Variants in ADAM12 observed in about 807,000 individuals in gnomAD.
ADAM12 encodes disintegrin and metalloproteinase domain-containing protein 12.
Under a neutral mutation model 106.4 loss-of-function variants are expected in ADAM12, and 70 were observed. That is an observed-to-expected ratio of 0.66 (90% CI 0.54 to 0.80). The LOEUF (loss-of-function observed/expected upper bound fraction) is 0.80. ADAM12 is among the 30% of genes least tolerant of loss of function. ADAM12 has a pLI of 0.00. For synonymous variants in ADAM12, 420 were observed against 433.5 expected (o/e 0.97, Z 0.39); for missense variants, 1,010 against 1,171.9 (o/e 0.86, Z 2.02).
intron 2 of ADAM12, among the ~76,000 whole-genome samples, chr10:126,285,430 T>C (rs969524429): frequency 2.0e-5 from 3 of 152,242 alleles, no homozygotes; most frequent in African/African-American, 7.2e-5. Flanking sequence ...CCTGTATGCA[T>C]GCAGGCATGT....
chr10:126,309,084 C>T (rs546836626), intron 2 of ADAM12, among the ~76,000 whole-genome samples: 100 of 152,334 alleles, frequency 6.6e-4, no homozygotes, highest in African/African-American at 2.4e-3. Flanking sequence ...TATCTCCTTC[C>T]CCCTATGCCA....
intron 3 of ADAM12, among the ~76,000 whole-genome samples, chr10:126,227,612 A>G (rs1439218463): frequency 6.6e-6 from 1 of 152,176 alleles, no homozygotes; most frequent in Non-Finnish European, 1.5e-5. Flanking sequence ...CATTATCCCC[A>G]GTGCTTTGCA....
At chr10:126,084,533 A>G (rs7078399) in intron 11 of ADAM12, among the ~76,000 whole-genome samples, 1 of 152,170 alleles carries the variant, frequency 6.6e-6, no homozygotes, top group African/African-American at 2.4e-5. Flanking sequence ...CCCAGTAGAC[A>G]GACCTGCACA....
intron 1 of ADAM12, among the ~76,000 whole-genome samples, 159 bp downstream of exon 1, chr10:126,387,899 G>T (rs550262287): frequency 6.7e-6 from 1 of 150,232 alleles, no homozygotes; most frequent in Non-Finnish European, 1.5e-5. Context: ...TGGGGGGGGG[G>T]GGTCGGTCTC....
chr10:126,104,982 A>G (rs1274509874), intron 8 of ADAM12, among the ~76,000 whole-genome samples: 1 of 152,202 alleles, frequency 6.6e-6, no homozygotes, highest in South Asian at 2.1e-4. Context: ...TCATCTGTTC[A>G]TAGACTTGGA....
At chr10:126,261,325 CTGG>C (rs1958997695) in intron 3 of ADAM12, among the ~76,000 whole-genome samples, 1 of 152,166 alleles carries the variant, frequency 6.6e-6, no homozygotes, top group South Asian at 2.1e-4. Flanking sequence ...TGCATTTCAT[CTGG>C]TTCTCATTTT....
At chr10:126,215,624 T>A (rs1244510354) in intron 3 of ADAM12, among the ~76,000 whole-genome samples, 2 of 152,056 alleles carry the variant, frequency 1.3e-5, no homozygotes, top group Non-Finnish European at 2.9e-5. Flanking sequence ...ACTGGAAAGG[T>A]GCAGGAGAAG....
At chr10:126,068,175 C>T (rs1954911569) in intron 12 of ADAM12, among the ~76,000 whole-genome samples, 1 of 152,144 alleles carries the variant, frequency 6.6e-6, no homozygotes, top group South Asian at 2.1e-4. Context: ...ACTTACAATT[C>T]TAAAAGAGTT....
intron 3 of ADAM12, among the ~76,000 whole-genome samples, chr10:126,189,173 T>G (rs1957452055): frequency 6.6e-6 from 1 of 152,150 alleles, no homozygotes; most frequent in African/African-American, 2.4e-5. Flanking sequence ...ACAGACCAAG[T>G]TGCATAGAGA....
intron 6 of ADAM12, among the ~76,000 whole-genome samples, chr10:126,112,796 G>A (rs1181176780): frequency 6.6e-6 from 1 of 152,154 alleles, no homozygotes; most frequent in Admixed American, 6.5e-5. Flanking sequence ...TGGGGATACA[G>A]TGTGGACAGG....
At position 126,227,338 on chromosome 10, in the gene ADAM12, A is replaced by G. The variant is rs536456653; in HGVS notation, c.260+51577T>C. ...GCCATCACCACCTGTCATCATAACC[A>G]CATCACCGCTGTTATCATCATCATC... On this transcript the variant is annotated intron_variant, in intron 3 of 22. Coordinates refer to ENST00000448723, the MANE Select transcript of ADAM12 (RefSeq NM_001288973.2). 2.6e-3 allele frequency among the ~76,000 whole-genome samples: 402 copies of G among 152,162 alleles called. 1 individual carries two copies. The highest frequency in any genetic ancestry group is 9.2e-3 in the African/African-American group (381 of 41,496).
At position 126,048,160 on chromosome 10, in the gene ADAM12, G is replaced by A. The variant is rs188547309; in HGVS notation, c.1917+1093C>T. Among the ~76,000 whole-genome samples, 27 of 152,286 alleles carry A rather than the reference G, an allele frequency of 1.8e-4. 1 individual carries two copies. In the East Asian group the frequency reaches 3.3e-3, roughly 19 times the overall value. On this transcript the variant is annotated intron_variant, in intron 16 of 22. Coordinates refer to ENST00000448723, the MANE Select transcript of ADAM12 (RefSeq NM_001288973.2). ...CTATCAGAGAGTAGAGGGTGAATGA[G>A]GGAGAGGATCAGGAAGAATAACTAA...
intron 11 of ADAM12, among the ~76,000 whole-genome samples, chr10:126,086,680 A>AAAAAAATATATAT (rs1554966976): frequency 1.2e-4 from 3 of 24,264 alleles, no homozygotes; most frequent in Admixed American, 7.9e-4. Flanking sequence ...AAAAAAAAAA[A>AAAAAAATATATAT]ATATATATAT....
intron 1 of ADAM12, among the ~76,000 whole-genome samples, chr10:126,358,239 A>T (rs1295509666): frequency 1.3e-5 from 2 of 152,160 alleles, no homozygotes; most frequent in Non-Finnish European, 2.9e-5. Context: ...ACATGCAAAA[A>T]TCCTTATCAA....
intron 1 of ADAM12, among the ~76,000 whole-genome samples, chr10:126,368,652 T>TGTG (rs1007994899): frequency 5.6e-5 from 8 of 143,946 alleles, no homozygotes; most frequent in Non-Finnish European, 1.2e-4. Flanking sequence ...AGTTTGTTGT[T>TGTG]GTTGTTGTTT....
intron 3 of ADAM12, among the ~76,000 whole-genome samples, chr10:126,268,224 G>T (rs562753366): frequency 1.3e-5 from 2 of 152,258 alleles, no homozygotes; most frequent in East Asian, 3.9e-4. Context: ...AAATAGAATC[G>T]CATAATATTT....
In ADAM12 at chr10:126,053,715, T is replaced by C. The variant is rs1954562256; in HGVS notation, c.1610-4046A>G. On this transcript the variant is annotated intron_variant, in intron 14 of 22. Coordinates refer to ENST00000448723, the MANE Select transcript of ADAM12 (RefSeq NM_001288973.2). This position sits in a 1 kb window ranked among gnomAD's most constrained non-coding sequence, Gnocchi z 4.6. Reference sequence around the variant, plus strand: ...GTTTCCTTTGGTCTCAGTCTTTTTATTTTTTTTGAGAGAGAGTTTCGCTCT... The same window carrying C: ...GTTTCCTTTGGTCTCAGTCTTTTTACTTTTTTTGAGAGAGAGTTTCGCTCT... Among the ~76,000 whole-genome samples the C allele has an allele frequency of 6.6e-6, 1 of 151,942 alleles. No individual in the cohort carries two copies. Among genetic ancestry groups the C allele is most frequent in the South Asian group, 2.1e-4 (1 of 4,816 alleles).
chr10:126,340,560 AC>A (rs549202135), intron 1 of ADAM12, among the ~76,000 whole-genome samples: 39 of 152,084 alleles, frequency 2.6e-4, no homozygotes, highest in Non-Finnish European at 5.3e-4. Context: ...ATAAATAAAC[AC>A]TCATGCTGAT....
chr10:126,050,215 C>A (rs1347806992), intron 14 of ADAM12, among the ~76,000 whole-genome samples: 2 of 152,198 alleles, frequency 1.3e-5, no homozygotes, highest in Admixed American at 6.5e-5. Context: ...ATTTGCAAGG[C>A]AGAGATTTCT....
Sources: allele counts gnomAD v4.1 joint callset (sites outside exome capture counted in the v4.1 genomes callset), GRCh38; gene constraint gnomAD v4.1.1; non-coding constraint Gnocchi (gnomAD v3.1); transcripts MANE v1.5; gene names NCBI Gene and HGNC (gene_info 2026-07-23, HGNC 2026-07-21).